CHRNB4: variants seen among roughly 807,000 people sequenced by gnomAD.
CHRNB4 encodes the protein neuronal acetylcholine receptor subunit beta-4.
Under a neutral mutation model 40.4 loss-of-function variants are expected in CHRNB4, and 23 were observed. The ratio of observed to expected loss-of-function variants is 0.57; its 90% CI spans 0.41 to 0.81. The LOEUF (loss-of-function observed/expected upper bound fraction) is 0.81. CHRNB4 is among the 30% of genes least tolerant of loss of function. CHRNB4 has a pLI of 0.00. For synonymous variants in CHRNB4, 285 were observed against 274.4 expected (o/e 1.04, Z -0.38); for missense variants, 568 against 670.6 (o/e 0.85, Z 1.69).
rs1567105983 is a variant in CHRNB4 at position 78,625,235 on chromosome 15, C to T, written c.1395G>A (p.Val465=). Residue 465 remains valine (V), a synonymous_variant, in exon 6 of 6, where the codon GTG becomes GTA. Transcript: ENST00000261751. The part of the protein sequence containing the change: ...AMVVDRLFLW[V]FMFVCVLGTV... ...TGCCCAGGACGCACACAAACATGAA[C>T]ACCCACAGGAACAGCCGGTCCACCA... 6.3e-7 allele frequency: 1 copy of T among 1,584,346 alleles called. No homozygotes were observed. The highest frequency in any genetic ancestry group is 8.6e-7 in the Non-Finnish European group (1 of 1,165,806).
rs891191857 is a variant in CHRNB4, at chr15:78,648,952, A to AT, written c.46+426dup. Among the ~76,000 whole-genome samples the AT allele has an allele frequency of 1.3e-4, 19 of 151,954 alleles. 1 individual carries two copies. In the Middle Eastern group the frequency reaches 0.02, roughly 163 times the overall value. On this transcript the variant is annotated intron_variant and NMD_transcript_variant, in intron 7 of 11. Transcript: ENST00000559849. ...CCACCACACCTGGCTAATTTTTGGG[A>AT]TTTTTTGTAGAGACCGGGTCCCACT... is the stretch of plus-strand genomic sequence containing the variant.
At chr15:78,647,259 T>C (rs1348162836) in intron 7 of CHRNB4, among the ~76,000 whole-genome samples, 1 of 152,166 alleles carries the variant, frequency 6.6e-6, no homozygotes, top group Non-Finnish European at 1.5e-5. Context: ...AGAGAAACCG[T>C]AGATTAGAAG....
chr15:78,631,376 C>G (rs745314201), intron 2 of CHRNB4, 44 bp from the exon 3 acceptor site: 2 of 1,595,294 alleles, frequency 1.3e-6, no homozygotes, highest in African/African-American at 1.3e-5. Flanking sequence ...GAAGGAGGAG[C>G]CTCACAAATG....
rs912409201 is a variant in CHRNB4, at chr15:78,655,213, A to AT, written c.-110+330dup. Among the ~76,000 whole-genome samples the AT allele has an allele frequency of 1.3e-3, 190 of 146,030 alleles. 2 individuals are homozygous for AT. The highest frequency in any genetic ancestry group is 0.01 in the South Asian group (48 of 4,644). The stretch of plus-strand genomic sequence containing the variant: ...TATGAACACAATTATACAGTACATA[A>AT]TTTTTTTTTTTTGAGAGTGAGACTT... On this transcript the variant is annotated intron_variant and NMD_transcript_variant, in intron 5 of 11. Transcript: ENST00000559849.
At position 78,635,505 on chromosome 15, in the gene CHRNB4, T is replaced by C; in HGVS notation, c.138A>G (p.Pro46=). The change falls in exon 2 of 6, where the codon CCA becomes CCG. Residue 46 remains proline (P), a synonymous_variant. Transcript: ENST00000261751. ...AGATGAGCTGTGAGGAGCTGGTGGC[T>C]GGGCGGATCAGGTTATTGTAACGGG... ...NKTRYNNLIR[P]ATSSSQLISI... 1.2e-6 allele frequency: 2 copies of C among 1,614,170 alleles called. No individual in the cohort carries two copies. The highest frequency in any genetic ancestry group is 1.7e-6 in the Non-Finnish European group (2 of 1,180,036).
chr15:78,659,594 C>T (rs2054237366), intron 1 of CHRNB4, among the ~76,000 whole-genome samples: 1 of 152,208 alleles, frequency 6.6e-6, no homozygotes. Flanking sequence ...GGAACCAACC[C>T]TACTCTGGGA....
chr15:78,652,828 T>C (rs2054184458), intron 5 of CHRNB4, among the ~76,000 whole-genome samples: 1 of 152,178 alleles, frequency 6.6e-6, no homozygotes, highest in Non-Finnish European at 1.5e-5. Context: ...GGGTAGAGCA[T>C]GTCGCAGTGA....
chr15:78,635,677 C>T (rs2053935118), intron 1 of CHRNB4, 90 bp from the exon 2 acceptor site: 21 of 1,564,626 alleles, frequency 1.3e-5, no homozygotes, highest in Non-Finnish European at 1.8e-5. Flanking sequence ...AGAGGGAGCA[C>T]AGGTGCCCTT....
chr15:78,655,228 G>A (rs1399310495), intron 5 of CHRNB4, among the ~76,000 whole-genome samples: 1 of 149,512 alleles, frequency 6.7e-6, no homozygotes, highest in Non-Finnish European at 1.5e-5. Flanking sequence ...TTTTTTTTGA[G>A]AGTGAGACTT....
At chr15:78,661,308 C>T, upstream of CHRNB4, 1 of 591,644 alleles carries the variant, frequency 1.7e-6, no homozygotes, top group Admixed American at 1.9e-5. Flanking sequence ...ACACACAGTG[C>T]ACACACCTTC....
At position 78,631,592 on chromosome 15, in the gene CHRNB4, G is replaced by A. The variant is rs536106786; in HGVS notation, c.205-260C>T. On this transcript the variant is annotated intron_variant, in intron 2 of 5. Coordinates refer to ENST00000261751, the MANE Select transcript of CHRNB4 (RefSeq NM_000750.5). ...CCATCCAGTTCCACAAGCCAGAAGCGTGGACACTGTCTCTGACACTTTGCT... is the reference window on the plus strand; with the variant it reads ...CCATCCAGTTCCACAAGCCAGAAGCATGGACACTGTCTCTGACACTTTGCT... Among the ~76,000 whole-genome samples the A allele has an allele frequency of 2.0e-5, 3 of 152,318 alleles. No individual in the cohort carries two copies. The South Asian group carries it at 6.2e-4, about 32-fold the overall frequency.
chr15:78,633,271 C>G (rs1002550297), intron 2 of CHRNB4, among the ~76,000 whole-genome samples: 7 of 152,200 alleles, frequency 4.6e-5, no homozygotes, highest in Non-Finnish European at 8.8e-5. Context: ...CTGCCAGTAA[C>G]AGTGATCCAG....
chr15:78,646,047 G>A (rs1272492404), upstream of CHRNB4, among the ~76,000 whole-genome samples: 2 of 138,074 alleles, frequency 1.4e-5, no homozygotes, highest in African/African-American at 5.7e-5. Flanking sequence ...GCGACAGAGT[G>A]AGACCGTCTC....
chr15:78,631,248 GA>G (rs759350284), intron 3 of CHRNB4, 39 bp downstream of exon 3: 45 of 1,613,592 alleles, frequency 2.8e-5, no homozygotes, highest in African/African-American at 1.3e-5. Context: ...CAGCCCTAAA[GA>G]AAAGATCTCT....
chr15:78,629,472 A>C lies in CHRNB4; in HGVS notation c.833T>G (p.Leu278Arg), dbSNP rs2053745249. The change falls in exon 5 of 6, where the codon CTG (leucine) becomes CGG (arginine). Residue 278 changes from leucine (L) to arginine (R), a missense_variant. By Grantham distance (102) the Leu-to-Arg change is moderately radical. Coordinates refer to ENST00000261751, the MANE Select transcript of CHRNB4 (RefSeq NM_000750.5). The surrounding 1 kb of genome is among the most constrained non-coding windows in gnomAD (Gnocchi z 6.8). ...ISVLLALTFF[L>R]LLISKIVPPT... ...TGGCACGATCTTGGAGATGAGCAGC[A>C]GGAAGAATGTCAGTGCCAGCAGCAC... is the stretch of plus-strand genomic sequence containing the variant. 1 of 1,614,080 alleles carries C rather than the reference A, an allele frequency of 6.2e-7. No individual in the cohort carries two copies. The highest frequency in any genetic ancestry group is 1.7e-5 in the Admixed American group (1 of 60,010).
chr15:78,660,571 G>C (rs1596127960), upstream of CHRNB4: 1 of 153,094 alleles, frequency 6.5e-6, no homozygotes, highest in South Asian at 2.1e-4. Context: ...CAGGTAAGTC[G>C]GCAGAGGCTC....
chr15:78,646,132 T>C (rs958403677), upstream of CHRNB4, among the ~76,000 whole-genome samples: 20 of 151,478 alleles, frequency 1.3e-4, no homozygotes, highest in Non-Finnish European at 2.6e-4. Context: ...CATACGATAA[T>C]GTCATAGGAA....
At chr15:78,658,844 T>C (rs1271725103) in intron 1 of CHRNB4, among the ~76,000 whole-genome samples, 1 of 152,190 alleles carries the variant, frequency 6.6e-6, no homozygotes, top group East Asian at 1.9e-4. Flanking sequence ...CCAGAAATTC[T>C]AATTCATGCA....
chr15:78,640,355 T>G (rs1310809253), intron 1 of CHRNB4, among the ~76,000 whole-genome samples: 1 of 152,242 alleles, frequency 6.6e-6, no homozygotes, highest in African/African-American at 2.4e-5. Flanking sequence ...GGAGAAGGGC[T>G]GGGTCTCCTT....
Sources: gnomAD v4.1 joint callset for allele counts (sites outside exome capture counted in the v4.1 genomes callset) on GRCh38, gnomAD v4.1.1 for gene constraint, Gnocchi (gnomAD v3.1) non-coding constraint, MANE v1.5 for transcripts, NCBI Gene and HGNC (gene_info 2026-07-23, HGNC 2026-07-21) for gene names.